The following ALK variants were observed in gnomAD, a reference collection of about 807,000 sequenced individuals.
ALK encodes ALK tyrosine kinase receptor.
In ALK, 74 loss-of-function variants were observed where a neutral mutation model predicts 163.1. The observed-to-expected ratio is 0.45, with a 90% CI of 0.38 to 0.55. The LOEUF is 0.55. Among genes scored for constraint, ALK ranks in the 20% least tolerant of loss-of-function variants. The pLI is 0.00. For missense variants in ALK, 2,063 were observed against 2,105.3 expected (o/e 0.98, Z 0.39); for synonymous variants, 960 against 843.2 (o/e 1.14, Z -2.40).
At chr2:29,754,963 G>A (rs1573609066) in intron 1 of ALK, among the ~76,000 whole-genome samples, 1 of 152,166 alleles carries the variant, frequency 6.6e-6, no homozygotes, top group East Asian at 1.9e-4. Context: ...TGGATGTGCA[G>A]ATGGGAAGCC....
At chr2:29,825,073 T>C (rs1339737343) in intron 1 of ALK, among the ~76,000 whole-genome samples, 2 of 151,980 alleles carry the variant, frequency 1.3e-5, no homozygotes, top group African/African-American at 4.8e-5. Context: ...TAAAGAGGAG[T>C]TCCCCTGCAC....
At position 29,699,954 on chromosome 2, in the gene ALK, A is replaced by C. The variant is rs540984433; in HGVS notation, c.788-4940T>G. On this transcript the variant is annotated intron_variant, in intron 2 of 28. Transcript: ENST00000389048. ...TTCTGGGCTTGGTCCTGCACAGAGC[A>C]GCTGAGACCCCAGCAGGTCTATTTC... Among the ~76,000 whole-genome samples, 187 of 152,342 alleles carry C rather than the reference A, an allele frequency of 1.2e-3. 1 individual carries two copies. The highest frequency in any genetic ancestry group is 7.0e-3 in the South Asian group (34 of 4,830).
At position 29,890,369 on chromosome 2, in the gene ALK, A is replaced by G. The variant is rs1233980781; in HGVS notation, c.667+29624T>C. 2 of 152,218 alleles carry G rather than the reference A, an allele frequency of 1.3e-5. 1 individual carries two copies. 9.4% of individuals were successfully genotyped at this position (152,218 alleles called of 1,614,324 possible). ...GCCTTTGGTAGAAATCTGGATTTCT[A>G]TGCCCTGAGTTTTCTAAAAGTGAGT... On this transcript the variant is annotated intron_variant, in intron 1 of 28. Transcript: ENST00000389048.
intron 1 of ALK, among the ~76,000 whole-genome samples, chr2:29,870,928 G>A (rs77906131): frequency 0.015 from 2,270 of 152,276 alleles, 62 homozygotes; most frequent in East Asian, 0.096. Flanking sequence ...ATTGCCCACA[G>A]GAACCACAAG....
intron 5 of ALK, among the ~76,000 whole-genome samples, chr2:29,336,741 G>A (rs935874755): frequency 2.0e-5 from 3 of 152,126 alleles, no homozygotes; most frequent in African/African-American, 7.2e-5. Flanking sequence ...TTTTTTAAAC[G>A]AATGCCACAT....
chr2:29,533,758 T>C (rs1217937055), intron 3 of ALK, among the ~76,000 whole-genome samples: 1 of 152,190 alleles, frequency 6.6e-6, no homozygotes, highest in Non-Finnish European at 1.5e-5. Flanking sequence ...AGTTGTGGCC[T>C]TCAAGGAACT....
intron 1 of ALK, among the ~76,000 whole-genome samples, chr2:29,760,272 A>G (rs1680663529): frequency 6.6e-6 from 1 of 152,092 alleles, no homozygotes; most frequent in South Asian, 2.1e-4. Context: ...AGTCTGTTGG[A>G]CTGAGTGGGT....
chr2:29,201,347 C>T (rs1669174249), intron 26 of ALK, among the ~76,000 whole-genome samples: 1 of 152,178 alleles, frequency 6.6e-6, no homozygotes, highest in Non-Finnish European at 1.5e-5. Context: ...CCCACACCAT[C>T]TCCTCTTTCA....
intron 3 of ALK, among the ~76,000 whole-genome samples, chr2:29,564,442 C>A (rs900287325): frequency 2.0e-5 from 2 of 99,210 alleles, no homozygotes; most frequent in Admixed American, 1.0e-4. Flanking sequence ...CCTACCACCA[C>A]CCCCACCGCC....
chr2:29,780,049 C>T (rs1681290582), intron 1 of ALK, among the ~76,000 whole-genome samples: 1 of 152,220 alleles, frequency 6.6e-6, no homozygotes, highest in Non-Finnish European at 1.5e-5. Flanking sequence ...GCATCCCAGC[C>T]CCAAACACAG....
chr2:29,395,610 C>G lies in ALK; in HGVS notation c.1155-11751G>C, dbSNP rs1669283806. Among the ~76,000 whole-genome samples the G allele has an allele frequency of 2.6e-5, 4 of 152,212 alleles. No homozygotes were observed. The South Asian group carries it at 8.3e-4, about 32-fold the overall frequency. On this transcript the variant is annotated intron_variant, in intron 4 of 28. Transcript: ENST00000389048. ...TCTATCCCCTGCTCCCCTTTCTCCC[C>G]CAAGGCAAGCCATAGAAATGAGAAT... is the stretch of plus-strand genomic sequence containing the variant.
chr2:29,765,784 G>A (rs2148340545), intron 1 of ALK, among the ~76,000 whole-genome samples: 1 of 152,240 alleles, frequency 6.6e-6, no homozygotes, highest in African/African-American at 2.4e-5. Flanking sequence ...TGGGCTGGGA[G>A]ATGTTTAACA....
At chr2:29,298,465 T>C (rs548223262) in intron 8 of ALK, among the ~76,000 whole-genome samples, 1 of 152,318 alleles carries the variant, frequency 6.6e-6, no homozygotes, top group South Asian at 2.1e-4. Context: ...CGATGCTTTC[T>C]CCTTTTGCTC....
At chr2:29,214,942 C>A (rs1348074978) in intron 23 of ALK, among the ~76,000 whole-genome samples, 2 of 152,212 alleles carry the variant, frequency 1.3e-5, no homozygotes, top group African/African-American at 4.8e-5. Context: ...GCTGGACACA[C>A]ACTGGGGGTT....
intron 3 of ALK, among the ~76,000 whole-genome samples, chr2:29,570,408 T>C (rs938701703): frequency 2.0e-5 from 3 of 152,184 alleles, no homozygotes; most frequent in African/African-American, 7.2e-5. Context: ...TTGGCAGGTG[T>C]GCCCAGGTAG....
At chr2:29,352,201 G>C (rs1668134479) in intron 5 of ALK, among the ~76,000 whole-genome samples, 1 of 152,234 alleles carries the variant, frequency 6.6e-6, no homozygotes, top group African/African-American at 2.4e-5. Flanking sequence ...TGACAATAAA[G>C]ATTGTGGGGA....
intron 8 of ALK, among the ~76,000 whole-genome samples, chr2:29,308,313 G>T (rs1341007991): frequency 2.0e-5 from 3 of 151,674 alleles, no homozygotes; most frequent in African/African-American, 2.4e-5. Flanking sequence ...CAATATCTTT[G>T]GGGGGTAAGA....
intron 1 of ALK, among the ~76,000 whole-genome samples, chr2:29,858,253 C>T (rs1010376949): frequency 2.6e-5 from 4 of 152,148 alleles, no homozygotes; most frequent in Non-Finnish European, 5.9e-5. Flanking sequence ...CACTAATCTC[C>T]ACTTCTATAA....
At chr2:29,390,577 AG>A (rs1669142708) in intron 4 of ALK, among the ~76,000 whole-genome samples, 1 of 71,198 alleles carries the variant, frequency 1.4e-5, no homozygotes, top group African/African-American at 6.0e-5. Context: ...AGAAAGAAAG[AG>A]AAAAAAAAAA....
Sources: gnomAD v4.1 joint callset for allele counts (sites outside exome capture counted in the v4.1 genomes callset) on GRCh38, gnomAD v4.1.1 for gene constraint, MANE v1.5 for transcripts, NCBI Gene and HGNC (gene_info 2026-07-23, HGNC 2026-07-21) for gene names.